Variants in TBC1D5 observed in about 807,000 individuals in gnomAD.
The protein encoded by TBC1D5 is TBC1 domain family member 5, also known as TBC1 domain family, member 5.
TBC1D5 carries 75 observed loss-of-function variants against 100.3 expected under a neutral mutation model. The ratio of observed to expected loss-of-function variants is 0.75; its 90% CI spans 0.62 to 0.91. TBC1D5 has a LOEUF of 0.91. Among genes scored for constraint, TBC1D5 ranks in the 40% least tolerant of loss-of-function variants. The pLI is 0.00. For missense variants in TBC1D5, 910 were observed against 942.4 expected, an observed-to-expected ratio of 0.97 and a Z score of 0.45; for synonymous variants, 323 against 325.6, an observed-to-expected ratio of 0.99 and a Z score of 0.09.
chr3:17,535,013 G>A (rs9310519), intron 2 of TBC1D5, among the ~76,000 whole-genome samples: 80,503 of 151,992 alleles, frequency 0.53, 22,801 homozygotes, highest in African/African-American at 0.7. Context: ...AAGTAAAATG[G>A]TAAGTTTTTA....
chr3:17,522,560 A>G (rs561315321), intron 2 of TBC1D5, among the ~76,000 whole-genome samples: 9 of 152,124 alleles, frequency 5.9e-5, no homozygotes, highest in Non-Finnish European at 1.2e-4. Flanking sequence ...AATACTAAAA[A>G]ACAAAACAAT....
intron 13 of TBC1D5, among the ~76,000 whole-genome samples, chr3:17,365,416 T>C (rs2092045546): frequency 6.6e-6 from 1 of 152,168 alleles, no homozygotes; most frequent in Non-Finnish European, 1.5e-5. Context: ...AATTAACCCT[T>C]TGTAGGTCAA....
At chr3:17,247,101 AT>A (rs1425563841) in intron 16 of TBC1D5, among the ~76,000 whole-genome samples, 1 of 152,184 alleles carries the variant, frequency 6.6e-6, no homozygotes, top group Non-Finnish European at 1.5e-5. Context: ...GGTTAGTCAC[AT>A]GGGCATTCCA....
chr3:17,327,988 G>T (rs1326263864), intron 13 of TBC1D5, among the ~76,000 whole-genome samples: 3 of 152,090 alleles, frequency 2.0e-5, no homozygotes. Flanking sequence ...TCTATTTCTT[G>T]CCAGGCATGG....
chr3:17,609,138 T>C (rs1257400357), intron 2 of TBC1D5, among the ~76,000 whole-genome samples: 3 of 152,240 alleles, frequency 2.0e-5, no homozygotes, highest in Non-Finnish European at 4.4e-5. Context: ...TATCCCTAAT[T>C]GCTTCCAATC....
intron 2 of TBC1D5, among the ~76,000 whole-genome samples, chr3:17,623,028 G>A (rs1010791136): frequency 6.6e-6 from 1 of 152,144 alleles, no homozygotes; most frequent in Admixed American, 6.5e-5. Flanking sequence ...TAAAATTCTG[G>A]TGTGAGTTTC....
intron 2 of TBC1D5, among the ~76,000 whole-genome samples, chr3:17,559,332 G>C (rs2096542584): frequency 6.6e-6 from 1 of 151,622 alleles, no homozygotes; most frequent in Admixed American, 6.6e-5. Flanking sequence ...GTAGAGATCG[G>C]GTTTCACCAT....
At chr3:17,479,284 T>C (rs1214206413) in intron 3 of TBC1D5, among the ~76,000 whole-genome samples, 3 of 151,962 alleles carry the variant, frequency 2.0e-5, no homozygotes, top group Non-Finnish European at 1.5e-5. Flanking sequence ...ATACCTGAAG[T>C]CCCAGCTACT....
chr3:17,616,510 T>A (rs139089476), intron 2 of TBC1D5, among the ~76,000 whole-genome samples: 2,523 of 152,226 alleles, frequency 0.017, 53 homozygotes, highest in South Asian at 0.048. Context: ...CCATTATTAT[T>A]GTGTGGGAGT....
At chr3:17,683,486 A>T (rs2069785470) in intron 1 of TBC1D5, among the ~76,000 whole-genome samples, 1 of 146,608 alleles carries the variant, frequency 6.8e-6, no homozygotes, top group African/African-American at 2.8e-5. Context: ...AGGCTCAAGT[A>T]CTTGTCTGCT....
exon 14 of TBC1D5, chr3:17,308,103 A>T (rs375021746): frequency 6.2e-7 from 1 of 1,600,394 alleles, no homozygotes; most frequent in Non-Finnish European, 8.5e-7. Context: ...TGCAGGGGGA[A>T]CTCTCGTCCA....
chr3:17,597,081 T>G (rs947257540), intron 2 of TBC1D5, among the ~76,000 whole-genome samples: 3 of 152,234 alleles, frequency 2.0e-5, no homozygotes, highest in African/African-American at 7.2e-5. Flanking sequence ...TTTCAAGGCT[T>G]ATCTGTGAAG....
intron 7 of TBC1D5, 151 bp downstream of exon 7, chr3:17,404,543 T>A: frequency 1.6e-6 from 1 of 645,146 alleles, no homozygotes; most frequent in Non-Finnish European, 2.6e-6. Context: ...TAATGTAAAA[T>A]CATTTCTACC....
chr3:17,164,736 C>A (rs2066421411), intron 21 of TBC1D5, among the ~76,000 whole-genome samples: 1 of 152,200 alleles, frequency 6.6e-6, no homozygotes, highest in African/African-American at 2.4e-5. Flanking sequence ...GCCTGGTAGA[C>A]CCCCTGGGCC....
intron 13 of TBC1D5, among the ~76,000 whole-genome samples, chr3:17,312,689 T>C (rs1221879562): frequency 6.6e-6 from 1 of 152,222 alleles, no homozygotes; most frequent in Non-Finnish European, 1.5e-5. Flanking sequence ...TTAAGGAAGG[T>C]TTCTTATTCC....
chr3:17,180,235 T>C (rs543183837), intron 19 of TBC1D5, among the ~76,000 whole-genome samples: 1 of 152,244 alleles, frequency 6.6e-6, no homozygotes, highest in Non-Finnish European at 1.5e-5. Context: ...TTGGAGGTAA[T>C]AAAATTAGAA....
intron 1 of TBC1D5, among the ~76,000 whole-genome samples, chr3:17,637,759 A>G (rs1481747112): frequency 3.3e-5 from 5 of 152,236 alleles, no homozygotes; most frequent in Non-Finnish European, 5.9e-5. Context: ...TTCATATGTT[A>G]TCACGTACCA....
At chr3:17,409,985 A>G (rs994410055) in intron 4 of TBC1D5, among the ~76,000 whole-genome samples, 1 of 152,200 alleles carries the variant, frequency 6.6e-6, no homozygotes, top group East Asian at 1.9e-4. Context: ...TAGATATTCA[A>G]TGTAGACATA....
chr3:17,720,100 AG>A (rs2075569608), intron 1 of TBC1D5, among the ~76,000 whole-genome samples: 2 of 152,260 alleles, frequency 1.3e-5, no homozygotes, highest in Admixed American at 6.5e-5. Flanking sequence ...CATGTTTAAT[AG>A]GAAGTATTTG....
Sources: allele counts gnomAD v4.1 joint callset (sites outside exome capture counted in the v4.1 genomes callset), GRCh38; gene constraint gnomAD v4.1.1; transcripts MANE v1.5; gene names NCBI Gene and HGNC (gene_info 2026-07-23, HGNC 2026-07-21).